Variants in ZDHHC13 observed in about 807,000 individuals in gnomAD.
ZDHHC13 encodes the protein palmitoyltransferase ZDHHC13.
Under a neutral mutation model 86.0 loss-of-function variants are expected in ZDHHC13, and 85 were observed. The observed-to-expected ratio is 0.99, with a 90% CI of 0.83 to 1.18. ZDHHC13 has a LOEUF of 1.18. Among genes scored for constraint, ZDHHC13 ranks in the 50% most tolerant of loss-of-function variants. The pLI, the probability that ZDHHC13 is intolerant of heterozygous loss-of-function variation, is 0.00. For synonymous variants in ZDHHC13, 263 were observed against 246.4 expected (o/e 1.07, Z -0.63); for missense variants, 711 against 730.2 (o/e 0.97, Z 0.30).
At chr11:19,129,284 C>T (rs1848940449) in intron 1 of ZDHHC13, among the ~76,000 whole-genome samples, 2 of 152,016 alleles carry the variant, frequency 1.3e-5, no homozygotes, top group Non-Finnish European at 2.9e-5. Flanking sequence ...TACTTTAGTA[C>T]AGTGTTAATT....
chr11:19,117,320 G>C lies in ZDHHC13; in HGVS notation c.27+44G>C, dbSNP rs1208270192. The C allele has an allele frequency of 6.3e-6, 9 of 1,436,550 alleles. No homozygotes were observed. Among genetic ancestry groups the C allele is most frequent in the Non-Finnish European group, 7.3e-6 (8 of 1,095,200 alleles). 89.0% of individuals were successfully genotyped at this position (1,436,550 alleles called of 1,614,324 possible). A position where few individuals can be genotyped will look rare whatever the true frequency, so the allele number is the denominator to read the frequency against. On this transcript the variant is annotated intron_variant, in intron 1 of 16. Coordinates refer to ENST00000446113, the MANE Select transcript of ZDHHC13 (RefSeq NM_019028.3). This position sits in a 1 kb window ranked among gnomAD's most constrained non-coding sequence, Gnocchi z 4.2. ...TGGCTGTCCTGGGGGCCGGGAGAGCGGCTGCAGCTGTGGAGGAAAGGATGG... is the reference window on the plus strand; with the variant it reads ...TGGCTGTCCTGGGGGCCGGGAGAGCCGCTGCAGCTGTGGAGGAAAGGATGG...
At position 19,155,812 on chromosome 11, in the gene ZDHHC13, T is replaced by C. The variant is rs1849741227; in HGVS notation, c.890T>C (p.Met297Thr). ...TCTTAATAGCTCTTCCTGCTGCTGA[T>C]GCTTTCTGTGATTACCATGTGGGCT... ...LQKCELFLLL[M>T]LSVITMWAIG... The change falls in exon 9 of 17, where the codon ATG becomes ACG. Residue 297 changes from methionine to threonine, a missense_variant. Coordinates refer to ENST00000446113, the MANE Select transcript of ZDHHC13 (RefSeq NM_019028.3). The C allele has an allele frequency of 6.2e-7, 1 of 1,611,642 alleles. No individual in the cohort carries two copies. Among genetic ancestry groups the C allele is most frequent in the Non-Finnish European group, 8.5e-7 (1 of 1,179,468 alleles).
intron 1 of ZDHHC13, among the ~76,000 whole-genome samples, chr11:19,130,511 G>A (rs958737684): frequency 8.6e-5 from 13 of 151,872 alleles, no homozygotes; most frequent in Non-Finnish European, 1.8e-4. Context: ...GCCAGATTTC[G>A]GCTTCAATGA....
chr11:19,141,948 T>C (rs996840543), intron 1 of ZDHHC13, among the ~76,000 whole-genome samples: 20 of 152,200 alleles, frequency 1.3e-4, no homozygotes, highest in Non-Finnish European at 2.9e-4. Context: ...CCCATTACTG[T>C]ATAACAAATT....
At chr11:19,128,600 T>C (rs913848790) in intron 1 of ZDHHC13, among the ~76,000 whole-genome samples, 7 of 152,216 alleles carry the variant, frequency 4.6e-5, no homozygotes, top group Admixed American at 3.9e-4. Flanking sequence ...TAAGAAACTT[T>C]CATTCTTAAA....
intron 14 of ZDHHC13, 71 bp from the exon 15 acceptor site, chr11:19,170,340 T>C (rs1850185106): frequency 6.8e-7 from 1 of 1,478,838 alleles, no homozygotes; most frequent in Non-Finnish European, 8.9e-7. Context: ...CTGCAGTGAT[T>C]TTATCTTCTT....
At chr11:19,140,774 G>A (rs552113199) in intron 1 of ZDHHC13, among the ~76,000 whole-genome samples, 1 of 152,184 alleles carries the variant, frequency 6.6e-6, no homozygotes, top group Admixed American at 6.5e-5. Context: ...TGGGGACATG[G>A]ATGAAATCGG....
At position 19,139,323 on chromosome 11, in the gene ZDHHC13, A is replaced by C. The variant is rs548181492; in HGVS notation, c.28-3655A>C. On this transcript the variant is annotated intron_variant, in intron 1 of 16. Transcript: ENST00000446113. ...TGAACTCCCATTCACAATTGCTTCA[A>C]AGAGAAGAAAATACCTAGCAATCCA... Among the ~76,000 whole-genome samples, 158 of 152,244 alleles carry C rather than the reference A, an allele frequency of 1.0e-3. 1 individual carries two copies. Among genetic ancestry groups the C allele is most frequent in the African/African-American group, 3.6e-3 (151 of 41,486 alleles).
chr11:19,160,952 A>G lies in ZDHHC13; in HGVS notation c.1108+1912A>G, dbSNP rs577385920. Among the ~76,000 whole-genome samples, 8 of 152,152 alleles carry G rather than the reference A, an allele frequency of 5.3e-5. No individual in the cohort carries two copies. The South Asian group carries it at 1.7e-3, about 32-fold the overall frequency. On this transcript the variant is annotated intron_variant, in intron 10 of 16. Coordinates refer to ENST00000446113, the MANE Select transcript of ZDHHC13 (RefSeq NM_019028.3). ...GAATCTTAAGATGTTGGAATCAACA[A>G]GATGGATGATTTTATTTGCTTGTAC...
intron 15 of ZDHHC13, 126 bp from the exon 16 acceptor site, chr11:19,172,597 C>T: frequency 4.8e-6 from 3 of 624,636 alleles, no homozygotes; most frequent in South Asian, 3.3e-5. Flanking sequence ...TTCTTTGTCC[C>T]TTTTCAAGGA....
At chr11:19,151,725 T>G (rs1337275586) in intron 6 of ZDHHC13, among the ~76,000 whole-genome samples, 1 of 152,094 alleles carries the variant, frequency 6.6e-6, no homozygotes, top group Non-Finnish European at 1.5e-5. Flanking sequence ...AGGGCATAAT[T>G]TATACCTGCT....
intron 16 of ZDHHC13, among the ~76,000 whole-genome samples, chr11:19,175,164 G>A (rs889309567): frequency 1.3e-5 from 2 of 151,762 alleles, no homozygotes; most frequent in African/African-American, 4.8e-5. Flanking sequence ...TGAGGTGGGC[G>A]GATCACGAGG....
At chr11:19,137,318 G>A (rs546353363) in intron 1 of ZDHHC13, among the ~76,000 whole-genome samples, 36 of 152,180 alleles carry the variant, frequency 2.4e-4, no homozygotes, top group African/African-American at 8.7e-4. Context: ...AAGAGACAAA[G>A]AAGGCCATTA....
At chr11:19,127,639 A>C (rs1226204493) in intron 1 of ZDHHC13, among the ~76,000 whole-genome samples, 3 of 152,182 alleles carry the variant, frequency 2.0e-5, no homozygotes, top group African/African-American at 7.2e-5. Flanking sequence ...GGTGTAAGGA[A>C]AGGGTCCAGC....
chr11:19,137,501 A>G (rs1020622800), intron 1 of ZDHHC13, among the ~76,000 whole-genome samples: 1 of 151,580 alleles, frequency 6.6e-6, no homozygotes, highest in African/African-American at 2.4e-5. Context: ...AACATTAGAC[A>G]GATCAACGAG....
At position 19,165,132 on chromosome 11, in the gene ZDHHC13, T is replaced by A. The variant is rs1221264562; in HGVS notation, c.1377T>A (p.Thr459=). Residue 459 remains threonine (T), a synonymous_variant, in exon 13 of 17, where the codon ACT becomes ACA. Coordinates refer to ENST00000446113, the MANE Select transcript of ZDHHC13 (RefSeq NM_019028.3). ...GATATGATCAACACTGCCTGTGGAC[T>A]GGACGGTGCATAGGTGAGAGATTTA... ...VARYDQHCLW[T]GRCIGFGNHH... The A allele has an allele frequency of 1.2e-6, 2 of 1,612,444 alleles. No homozygotes were observed. The highest frequency in any genetic ancestry group is 2.7e-5 in the African/African-American group (2 of 75,028).
At chr11:19,140,347 A>G (rs1049802889) in intron 1 of ZDHHC13, among the ~76,000 whole-genome samples, 2 of 152,216 alleles carry the variant, frequency 1.3e-5, no homozygotes, top group African/African-American at 4.8e-5. Context: ...AGAGAAATGC[A>G]AATCAAAACC....
Position 19,144,723 on chromosome 11 carries a change from G to A in ZDHHC13, c.174-1458G>A, listed in dbSNP as rs1474215143. Among the ~76,000 whole-genome samples, 6 of 152,152 alleles carry A rather than the reference G, an allele frequency of 3.9e-5. No homozygotes were observed. In the East Asian group the frequency reaches 1.2e-3, roughly 29 times the overall value. ...AACAGACAATTCTGCCATTTGGTTT[G>A]ATTTTTGATCCTTGCGGGCTTATTG... On this transcript the variant is annotated intron_variant, in intron 2 of 16. Coordinates refer to ENST00000446113, the MANE Select transcript of ZDHHC13 (RefSeq NM_019028.3).
At chr11:19,136,626 C>T (rs1849149193) in intron 1 of ZDHHC13, among the ~76,000 whole-genome samples, 1 of 151,772 alleles carries the variant, frequency 6.6e-6, no homozygotes, top group Non-Finnish European at 1.5e-5. Context: ...GTCAGATTCA[C>T]CAAAGTTGAA....
Sources: allele counts gnomAD v4.1 joint callset (sites outside exome capture counted in the v4.1 genomes callset), GRCh38; gene constraint gnomAD v4.1.1; non-coding constraint Gnocchi (gnomAD v3.1); transcripts MANE v1.5; gene names NCBI Gene and HGNC (gene_info 2026-07-23, HGNC 2026-07-21).